Variants in EDAR observed in about 807,000 individuals in gnomAD.
EDAR encodes ectodysplasin A receptor, also known as tumor necrosis factor receptor superfamily member EDAR.
A neutral mutation model predicts 51.3 loss-of-function variants in EDAR; 38 were observed. The observed-to-expected ratio is 0.74, with a 90% CI of 0.57 to 0.97. The LOEUF is 0.97. Ranked by LOEUF, EDAR falls within the 50% of genes least tolerant of loss-of-function variation. EDAR has a pLI of 0.00. For missense variants in EDAR, 528 were observed against 595.0 expected, an observed-to-expected ratio of 0.89 and a Z score of 1.17; for synonymous variants, 227 against 242.1, an observed-to-expected ratio of 0.94 and a Z score of 0.58.
intron 4 of EDAR, 68 bp from the exon 5 acceptor site, chr2:108,923,521 A>T: frequency 6.8e-7 from 1 of 1,477,888 alleles, no homozygotes; most frequent in Non-Finnish European, 9.5e-7. Flanking sequence ...GGACTGGTGC[A>T]GAGAGCACGG....
intron 1 of EDAR, among the ~76,000 whole-genome samples, chr2:108,945,715 A>G (rs1297470201): frequency 6.6e-6 from 1 of 152,254 alleles, no homozygotes; most frequent in Non-Finnish European, 1.5e-5. Flanking sequence ...ACAATGGAAT[A>G]TTACTCAGCC....
At chr2:108,943,616 G>C (rs746678553) in intron 1 of EDAR, among the ~76,000 whole-genome samples, 1 of 152,112 alleles carries the variant, frequency 6.6e-6, no homozygotes, top group Non-Finnish European at 1.5e-5. Flanking sequence ...ACTCACTTCC[G>C]AGCACAACAG....
rs769174007 is a variant in EDAR at position 108,897,239 on chromosome 2, C to G, written c.1025-10G>C. The G allele has an allele frequency of 6.2e-7, 1 of 1,611,440 alleles. No individual in the cohort carries two copies. The highest frequency in any genetic ancestry group is 8.5e-7 in the Non-Finnish European group (1 of 1,178,062). ...TCCGTGGGGCTAAGACCTACAGACA[C>G]CAATGGCCACAGTTAGATGTTGCAA... On this transcript the variant is annotated splice_polypyrimidine_tract_variant and intron_variant, in intron 11 of 11. Transcript: ENST00000258443.
chr2:108,953,798 A>G (rs948087828), intron 1 of EDAR, among the ~76,000 whole-genome samples: 22 of 152,190 alleles, frequency 1.4e-4, no homozygotes, highest in Non-Finnish European at 2.9e-4. Flanking sequence ...GCAGAAGAAA[A>G]TGGTTCTGAG....
At chr2:108,943,193 C>T (rs1258248358) in intron 1 of EDAR, among the ~76,000 whole-genome samples, 2 of 152,156 alleles carry the variant, frequency 1.3e-5, no homozygotes, top group Non-Finnish European at 2.9e-5. Flanking sequence ...TCGTCATTCT[C>T]TTTTCAAGTA....
intron 4 of EDAR, among the ~76,000 whole-genome samples, chr2:108,927,912 C>T (rs1248071888): frequency 2.0e-5 from 3 of 152,140 alleles, no homozygotes; most frequent in East Asian, 3.9e-4. Context: ...AATCTCTTTC[C>T]CCTTCTGAGT....
In EDAR at chr2:108,895,315, G is replaced by A. The variant is rs754846548; in HGVS notation, c.*1592C>T. On this transcript the variant is annotated 3_prime_UTR_variant, in exon 12 of 12. Coordinates refer to ENST00000258443, the MANE Select transcript of EDAR (RefSeq NM_022336.4). ...TGCAACTTGTAATTTTTACAACCTC[G>A]CTTTATAAGTCAGAGACTTTGTTTT... 5 of 152,440 alleles carry A rather than the reference G, an allele frequency of 3.3e-5. No individual in the cohort carries two copies. Among genetic ancestry groups the A allele is most frequent in the South Asian group, 2.1e-4 (1 of 4,820 alleles). The allele number at this position is 152,440 out of a possible 1,614,324, so 9.4% of individuals were successfully genotyped here.
At chr2:108,950,327 T>C (rs1266647563) in intron 1 of EDAR, among the ~76,000 whole-genome samples, 1 of 151,590 alleles carries the variant, frequency 6.6e-6, no homozygotes, top group Non-Finnish European at 1.5e-5. Flanking sequence ...CATAGCTCAC[T>C]GCAGCATCAA....
chr2:108,929,459 G>T, intron 3 of EDAR, 80 bp from the exon 4 acceptor site: 1 of 1,458,522 alleles, frequency 6.9e-7, no homozygotes, highest in Non-Finnish European at 9.6e-7. Context: ...TCCTTGGGCA[G>T]TGACGTGCCA....
At chr2:108,933,346 G>C (rs1165074620) in intron 1 of EDAR, among the ~76,000 whole-genome samples, 4 of 152,166 alleles carry the variant, frequency 2.6e-5, no homozygotes, top group Non-Finnish European at 1.5e-5. Context: ...CTAGAAGAGA[G>C]AGTATGAATT....
In EDAR at chr2:108,894,932, A is replaced by ACATT. The variant is rs1696552622; in HGVS notation, c.*1971_*1974dup. ...CAGCCACCCCACTCTTTCGCTGAAAACATTCTGAGGAGGGTGCAAGCTGTT... is the reference window on the plus strand; with the variant it reads ...CAGCCACCCCACTCTTTCGCTGAAAACATTCATTCTGAGGAGGGTGCAAGCTGTT... On this transcript the variant is annotated 3_prime_UTR_variant, in exon 12 of 12. Coordinates refer to ENST00000258443, the MANE Select transcript of EDAR (RefSeq NM_022336.4). 1 of 152,186 alleles carries ACATT rather than the reference A, an allele frequency of 6.6e-6. No homozygotes were observed. The highest frequency in any genetic ancestry group is 2.4e-5 in the African/African-American group (1 of 41,418). 9.4% of individuals were successfully genotyped at this position (152,186 alleles called of 1,614,324 possible).
In EDAR at chr2:108,906,383, C is replaced by A; in HGVS notation, c.964-15G>T. 1 of 1,614,052 alleles carries A rather than the reference C, an allele frequency of 6.2e-7. No homozygotes were observed. Among genetic ancestry groups the A allele is most frequent in the South Asian group, 1.1e-5 (1 of 91,036 alleles). ...CGGCTTTGAATCTGTGAAAAAGAGT[C>A]GAGAATTTTCATCTCCAGAAAGGGG... On this transcript the variant is annotated splice_polypyrimidine_tract_variant and intron_variant, in intron 10 of 11. Transcript: ENST00000258443.
intron 11 of EDAR, among the ~76,000 whole-genome samples, chr2:108,897,448 G>A (rs1286339197): frequency 2.6e-5 from 4 of 151,994 alleles, no homozygotes; most frequent in Non-Finnish European, 4.4e-5. Flanking sequence ...CCCTGACCCC[G>A]GTAATAGCCC....
rs148794878 is a variant in EDAR at position 108,974,729 on chromosome 2, C to CA, written c.-19+14230dup. 5.1e-3 allele frequency among the ~76,000 whole-genome samples: 738 copies of CA among 143,450 alleles called. 1 individual carries two copies. Among genetic ancestry groups the CA allele is most frequent in the Non-Finnish European group, 7.9e-3 (516 of 65,190 alleles). 94.1% of individuals were successfully genotyped at this position (143,450 alleles called of 152,430 possible). A position where few individuals can be genotyped will look rare whatever the true frequency, so the allele number is the denominator to read the frequency against. On this transcript the variant is annotated intron_variant, in intron 1 of 11. Coordinates refer to ENST00000258443, the MANE Select transcript of EDAR (RefSeq NM_022336.4). ...TGGGTGACAGAGCAAGACTCCATCT[C>CA]AAAAAAAAAAAGATACTATTCCCAT...
intron 1 of EDAR, among the ~76,000 whole-genome samples, chr2:108,947,291 G>A (rs1455653365): frequency 6.6e-6 from 1 of 152,156 alleles, no homozygotes; most frequent in Non-Finnish European, 1.5e-5. Flanking sequence ...TACAGCTCCT[G>A]TAACTGCTTT....
At chr2:108,922,511 T>C (rs181627371) in intron 5 of EDAR, among the ~76,000 whole-genome samples, 1 of 152,312 alleles carries the variant, frequency 6.6e-6, no homozygotes, top group East Asian at 1.9e-4. Context: ...AGAGAGGAGA[T>C]GCTGCGCCCC....
intron 1 of EDAR, among the ~76,000 whole-genome samples, chr2:108,950,219 C>T (rs260697): frequency 0.3 from 42,880 of 142,778 alleles, 10,125 homozygotes; most frequent in East Asian, 0.94. Flanking sequence ...CTCCCTCCCT[C>T]CCTTCCTTCC....
chr2:108,910,311 C>A, intron 9 of EDAR, 149 bp downstream of exon 9: 1 of 673,078 alleles, frequency 1.5e-6, no homozygotes, highest in Non-Finnish European at 2.6e-6. Flanking sequence ...TGCCAGTCAG[C>A]AAAGAGGTGG....
intron 10 of EDAR, among the ~76,000 whole-genome samples, chr2:108,907,125 G>A (rs571548299): frequency 6.1e-4 from 93 of 152,294 alleles, no homozygotes; most frequent in African/African-American, 2.0e-3. Flanking sequence ...ATTACAGGGC[G>A]GTAGGTGATA....
Sources: gnomAD v4.1 joint callset for allele counts (sites outside exome capture counted in the v4.1 genomes callset) on GRCh38, gnomAD v4.1.1 for gene constraint, MANE v1.5 for transcripts, NCBI Gene and HGNC (gene_info 2026-07-23, HGNC 2026-07-21) for gene names.